Variants in DCLRE1A observed in about 807,000 individuals in gnomAD.
DCLRE1A encodes DNA cross-link repair 1A protein.
Under a neutral mutation model 91.9 loss-of-function variants are expected in DCLRE1A, and 64 were observed. The ratio of observed to expected loss-of-function variants is 0.70; its 90% CI spans 0.57 to 0.86. The LOEUF is 0.86. Ranked by LOEUF, DCLRE1A falls within the 40% of genes least tolerant of loss-of-function variation. DCLRE1A has a pLI of 0.00. For synonymous variants in DCLRE1A, 416 were observed against 431.1 expected (o/e 0.96, Z 0.43); for missense variants, 1,145 against 1,213.3 (o/e 0.94, Z 0.84).
chr10:113,852,897 T>C lies in DCLRE1A; in HGVS notation c.286A>G (p.Thr96Ala). ...GTTCTACAGAGTTTTCCTGGAGTAG[T>C]TTCCTTGTCTTGGGTCTGCTGAATA... ...DGIQQTQDKETTPGKLCRTQK... is the reference protein window; with the variant it reads ...DGIQQTQDKEATPGKLCRTQK... The change falls in exon 1 of 9, where the codon ACT becomes GCT. Residue 96 changes from threonine to alanine, a missense_variant. Physicochemically the swap from Thr to Ala is moderately conservative, Grantham distance 58 (BLOSUM62 0). Transcript: ENST00000361384. 6.2e-7 allele frequency: 1 copy of C among 1,614,148 alleles called. No individual in the cohort carries two copies. Among genetic ancestry groups the C allele is most frequent in the Non-Finnish European group, 8.5e-7 (1 of 1,180,026 alleles).
rs747223502 is a variant in DCLRE1A, at chr10:113,849,197, CT to C, written c.1907del (p.Lys636ArgfsTer31). On this transcript the variant is annotated frameshift_variant, in exon 2 of 9. Transcript: ENST00000361384. LOFTEE classifies it high-confidence loss of function. ...GCAGTGAATTTGACTTTCTACATCTCTTTTTTTGACGCTGTGACCTCTCACT... is the reference window on the plus strand; with the variant it reads ...GCAGTGAATTTGACTTTCTACATCTCTTTTTTGACGCTGTGACCTCTCACT... ...LSSERSQRQK[K>X]RCRKSNSLQE... 6.2e-7 allele frequency: 1 copy of C among 1,613,864 alleles called. No homozygotes were observed. The highest frequency in any genetic ancestry group is 2.2e-5 in the East Asian group (1 of 44,862).
At chr10:113,848,303 C>T (rs1419652609) in intron 2 of DCLRE1A, among the ~76,000 whole-genome samples, 5 of 151,646 alleles carry the variant, frequency 3.3e-5, no homozygotes, top group Admixed American at 6.6e-5. Flanking sequence ...GGCGACAGAG[C>T]GAGACTCTGT....
rs79474071 is a variant in DCLRE1A at position 113,845,253 on chromosome 10, T to C, written c.2378+432A>G. Among the ~76,000 whole-genome samples, 164 of 152,256 alleles carry C rather than the reference T, an allele frequency of 1.1e-3. 3 individuals are homozygous for C. The East Asian group carries it at 0.024, about 22-fold the overall frequency. On this transcript the variant is annotated intron_variant, in intron 4 of 8. Coordinates refer to ENST00000361384, the MANE Select transcript of DCLRE1A (RefSeq NM_014881.5). ...AAAAGTCTTCCAAACCTTTAATATC[T>C]AAAGCCTGAATGATTTCTTAGTTTA...
intron 6 of DCLRE1A, among the ~76,000 whole-genome samples, chr10:113,841,901 G>A (rs553357217): frequency 3.3e-5 from 5 of 152,136 alleles, no homozygotes; most frequent in Non-Finnish European, 7.4e-5. Context: ...GTGGCCATAC[G>A]TAAGAAGAAA....
intron 8 of DCLRE1A, 137 bp from the exon 9 acceptor site, chr10:113,835,449 T>C: frequency 1.3e-6 from 1 of 792,986 alleles, no homozygotes; most frequent in South Asian, 2.2e-5. Context: ...AGTGCTTTAG[T>C]TCTGAAAAGA....
In DCLRE1A at chr10:113,853,826, C is replaced by G. The variant is rs1845701143; in HGVS notation, c.-644G>C. 6.6e-6 allele frequency: 1 copy of G among 152,336 alleles called. No homozygotes were observed. The highest frequency in any genetic ancestry group is 2.4e-5 in the African/African-American group (1 of 41,462). The allele number at this position is 152,336 out of a possible 1,614,324, so 9.4% of individuals were successfully genotyped here. A position where few individuals can be genotyped will look rare whatever the true frequency, so the allele number is the denominator to read the frequency against. Reference sequence around the variant, plus strand: ...TTTCCCGCGACAGTCCATGATCTTCCTCCAGCAGCAATGAACAATCCCTGC... The same window carrying G: ...TTTCCCGCGACAGTCCATGATCTTCGTCCAGCAGCAATGAACAATCCCTGC... On this transcript the variant is annotated 5_prime_UTR_variant, in exon 1 of 9. Coordinates refer to ENST00000361384, the MANE Select transcript of DCLRE1A (RefSeq NM_014881.5).
In DCLRE1A at chr10:113,853,043, C is replaced by T. The variant is rs757113595; in HGVS notation, c.140G>A (p.Arg47Gln). Residue 47 changes from arginine to glutamine, a missense_variant, in exon 1 of 9, where the codon CGG becomes CAG. Arg to Gln is a conservative substitution (Grantham distance 43). Coordinates refer to ENST00000361384, the MANE Select transcript of DCLRE1A (RefSeq NM_014881.5). Reference protein sequence around the residue: ...KATDGKYQSKRSRNRKRAAEA... With the variant: ...KATDGKYQSKQSRNRKRAAEA... ...TGCGGCTCTTTTTCTGTTTCTACTC[C>T]GTTTTGACTGGTATTTTCCATCTGT... The T allele has an allele frequency of 3.1e-6, 5 of 1,613,740 alleles. No homozygotes were observed. The highest frequency in any genetic ancestry group is 2.7e-5 in the African/African-American group (2 of 74,872).
chr10:113,839,121 T>A (rs549148155), intron 7 of DCLRE1A, among the ~76,000 whole-genome samples: 1 of 151,910 alleles, frequency 6.6e-6, no homozygotes. Context: ...GTCAGGAGAT[T>A]GAGACCATCC....
chr10:113,836,949 A>G lies in DCLRE1A; in HGVS notation c.2962+113T>C. 3 of 946,132 alleles carry G rather than the reference A, an allele frequency of 3.2e-6. No homozygotes were observed. The South Asian group carries it at 5.8e-5, about 18-fold the overall frequency. 58.6% of individuals were successfully genotyped at this position (946,132 alleles called of 1,614,324 possible). A position where few individuals can be genotyped will look rare whatever the true frequency, so the allele number is the denominator to read the frequency against. On this transcript the variant is annotated intron_variant, in intron 8 of 8. Coordinates refer to ENST00000361384, the MANE Select transcript of DCLRE1A (RefSeq NM_014881.5). ...AGTTGTAGAGAGATGAAAACTCTTG[A>G]ATTATTAAATTCTTTGGTGCCTGTT...
intron 8 of DCLRE1A, among the ~76,000 whole-genome samples, chr10:113,835,802 G>A (rs1328234658): frequency 6.6e-6 from 1 of 152,164 alleles, no homozygotes; most frequent in Admixed American, 6.5e-5. Context: ...AGGCGTGGTG[G>A]CACATGCCTG....
intron 7 of DCLRE1A, among the ~76,000 whole-genome samples, chr10:113,840,881 C>T (rs900135992): frequency 2.6e-5 from 4 of 152,088 alleles, no homozygotes; most frequent in Non-Finnish European, 5.9e-5. Flanking sequence ...CCCCCAAATC[C>T]CAGCAAGGTC....
At chr10:113,844,347 C>T (rs1845496887) in intron 4 of DCLRE1A, 103 bp from the exon 5 acceptor site, 1 of 1,442,472 alleles carries the variant, frequency 6.9e-7, no homozygotes, top group East Asian at 2.4e-5. Flanking sequence ...TAGCTGACCA[C>T]AATGACATAG....
At chr10:113,842,844 C>G (rs1845467603) in intron 5 of DCLRE1A, among the ~76,000 whole-genome samples, 1 of 151,872 alleles carries the variant, frequency 6.6e-6, no homozygotes, top group South Asian at 2.1e-4. Context: ...ATCAAAAAAT[C>G]ATATTGATAA....
At position 113,850,251 on chromosome 10, in the gene DCLRE1A, T is replaced by C. The variant is rs1179153221; in HGVS notation, c.854A>G (p.Asn285Ser). The C allele has an allele frequency of 6.2e-7, 1 of 1,614,100 alleles. No homozygotes were observed. The highest frequency in any genetic ancestry group is 8.5e-7 in the Non-Finnish European group (1 of 1,179,984). Residue 285 changes from asparagine to serine, a missense_variant, in exon 2 of 9, where the codon AAT becomes AGT. Asn to Ser is a conservative substitution (Grantham distance 46). Transcript: ENST00000361384. ...GAAGTCATTTTCTGGCAATGGCAAA[T>C]TTATGTGTTCTGAGTTGTTTGCAAG... ...LRLANNSEHI[N>S]LPLPENDFSD...
At chr10:113,852,212 T>C (rs557941021) in intron 1 of DCLRE1A, among the ~76,000 whole-genome samples, 2 of 152,220 alleles carry the variant, frequency 1.3e-5, no homozygotes, top group South Asian at 2.1e-4. Flanking sequence ...GGCGGGCGCC[T>C]GTAGTCCCGG....
intron 6 of DCLRE1A, 118 bp from the exon 7 acceptor site, chr10:113,841,678 A>G: frequency 2.9e-6 from 3 of 1,040,778 alleles, no homozygotes; most frequent in Non-Finnish European, 4.1e-6. Context: ...AAACATTCAC[A>G]CTTTTACCAT....
chr10:113,853,935 C>T lies in DCLRE1A; in HGVS notation c.-753G>A, dbSNP rs1845704025. 6.6e-6 allele frequency: 1 copy of T among 152,238 alleles called. No individual in the cohort carries two copies. Among genetic ancestry groups the T allele is most frequent in the African/African-American group, 2.4e-5 (1 of 41,442 alleles). 9.4% of individuals were successfully genotyped at this position (152,238 alleles called of 1,614,324 possible). On this transcript the variant is annotated 5_prime_UTR_variant, in exon 1 of 9. Coordinates refer to ENST00000361384, the MANE Select transcript of DCLRE1A (RefSeq NM_014881.5). ...TGTATTGAGGTCTGACTCCGTATTG[C>T]ACCCATGGTTCCGAAGGTGGCCAGC...
rs748274344 is a variant in DCLRE1A, at chr10:113,847,190, AC to A, written c.2259+11del. ...ATTCTACAAAGTCAAAAGTTAGAAT[AC>A]TAAAACTTACCTCACTACAATAAAC... On this transcript the variant is annotated intron_variant, in intron 3 of 8. Transcript: ENST00000361384. 2.0e-5 allele frequency: 32 copies of A among 1,591,518 alleles called. 1 individual carries two copies. Among genetic ancestry groups the A allele is most frequent in the Middle Eastern group, 3.4e-4 (2 of 5,960 alleles).
chr10:113,850,119 G>C lies in DCLRE1A; in HGVS notation c.986C>G (p.Ser329Ter). The change falls in exon 2 of 9, where the codon TCA becomes TGA. Residue 329 changes from serine (S) to a stop codon, truncating the protein, a stop_gained. Transcript: ENST00000361384. LOFTEE classifies it high-confidence loss of function. ...SQEQLFFTES[S>*]KDGSLEEDDD... The stretch of plus-strand genomic sequence containing the variant: ...ATCTTCTTCGAGGCTGCCATCTTTT[G>C]AGCTTTCGGTAAAAAACAGTTGTTC... 6.2e-7 allele frequency: 1 copy of C among 1,613,934 alleles called. No homozygotes were observed. Among genetic ancestry groups the C allele is most frequent in the Non-Finnish European group, 8.5e-7 (1 of 1,179,994 alleles).
Sources: allele counts gnomAD v4.1 joint callset (sites outside exome capture counted in the v4.1 genomes callset), GRCh38; gene constraint gnomAD v4.1.1; transcripts MANE v1.5; gene names NCBI Gene and HGNC (gene_info 2026-07-23, HGNC 2026-07-21).